ADAM17: variants seen among roughly 807,000 people sequenced by gnomAD.
ADAM17 encodes disintegrin and metalloproteinase domain-containing protein 17.
ADAM17 carries 39 observed loss-of-function variants against 96.7 expected under a neutral mutation model. The observed-to-expected ratio is 0.40, with a 90% confidence interval of 0.31 to 0.53. The LOEUF is 0.53. ADAM17 is among the 20% of genes least tolerant of loss of function. The pLI is 0.44. For synonymous variants in ADAM17, 344 were observed against 359.2 expected (o/e 0.96, Z 0.48); for missense variants, 777 against 1,013.2 (o/e 0.77, Z 3.17).
At chr2:9,529,979 C>T (rs1158882069) in intron 4 of ADAM17, among the ~76,000 whole-genome samples, 1 of 152,144 alleles carries the variant, frequency 6.6e-6, no homozygotes, top group East Asian at 1.9e-4. Context: ...TACACACACA[C>T]ACACACACAC....
chr2:9,551,251 A>G (rs1374947629), intron 1 of ADAM17, among the ~76,000 whole-genome samples: 2 of 151,748 alleles, frequency 1.3e-5, no homozygotes, highest in Non-Finnish European at 2.9e-5. Flanking sequence ...AAAAAAAAAA[A>G]GGAAGGGGGG....
chr2:9,513,055 C>T (rs752204093), intron 10 of ADAM17, among the ~76,000 whole-genome samples: 3 of 152,046 alleles, frequency 2.0e-5, no homozygotes, highest in South Asian at 2.1e-4. Context: ...AGTACAGTGG[C>T]GCAATCTCAG....
intron 10 of ADAM17, among the ~76,000 whole-genome samples, chr2:9,516,752 C>CA (rs1015305436): frequency 6.6e-6 from 1 of 151,300 alleles, no homozygotes; most frequent in Non-Finnish European, 1.5e-5. Context: ...GACTCTGTCT[C>CA]AAAAAAAATA....
chr2:9,532,659 T>G (rs1274455294), intron 4 of ADAM17, among the ~76,000 whole-genome samples: 4 of 149,784 alleles, frequency 2.7e-5, no homozygotes, highest in Non-Finnish European at 4.4e-5. Context: ...TTTTTTTTTT[T>G]TGTGGAGGAG....
chr2:9,511,454 A>G (rs1296777587), intron 10 of ADAM17, among the ~76,000 whole-genome samples: 1 of 152,012 alleles, frequency 6.6e-6, no homozygotes, highest in Non-Finnish European at 1.5e-5. Flanking sequence ...CTATCTTAAA[A>G]AAAAAACAAA....
At chr2:9,536,460 A>T (rs979360774) in intron 3 of ADAM17, among the ~76,000 whole-genome samples, 6 of 152,158 alleles carry the variant, frequency 3.9e-5, no homozygotes, top group Non-Finnish European at 4.4e-5. Flanking sequence ...ATCACTTAAG[A>T]AGAATTTAAT....
At chr2:9,529,753 C>T (rs1485799752) in intron 4 of ADAM17, among the ~76,000 whole-genome samples, 1 of 152,074 alleles carries the variant, frequency 6.6e-6, no homozygotes, top group Admixed American at 6.5e-5. Flanking sequence ...GGGCAGATAA[C>T]TTGAGTCCAG....
chr2:9,527,574 A>T (rs1291548134), intron 5 of ADAM17: 3 of 340,802 alleles, frequency 8.8e-6, no homozygotes, highest in Non-Finnish European at 1.6e-5. Context: ...TTTAAAGTCT[A>T]ATCTCTGTTG....
intron 8 of ADAM17, 62 bp downstream of exon 8, chr2:9,521,141 C>T (rs914056384): frequency 7.6e-7 from 1 of 1,318,600 alleles, no homozygotes; most frequent in Admixed American, 1.7e-5. Context: ...AAAACACATA[C>T]AATCCACATA....
At chr2:9,538,003 AAGGGAGGGGAGGAGAGGGGAG>A in intron 2 of ADAM17, among the ~76,000 whole-genome samples, 1 of 11,320 alleles carries the variant, frequency 8.8e-5, no homozygotes, top group South Asian at 3.0e-3. Context: ...AGGGGAGGGG[AAGGGAGGGGAGGAGAGGGGAG>A]GGGGTATACA....
chr2:9,495,012 A>C (rs1662461035), intron 14 of ADAM17, among the ~76,000 whole-genome samples: 1 of 152,216 alleles, frequency 6.6e-6, no homozygotes, highest in Non-Finnish European at 1.5e-5. Flanking sequence ...TCTAGATTCA[A>C]GACCTCTCTT....
intron 11 of ADAM17, among the ~76,000 whole-genome samples, chr2:9,506,363 T>G (rs1042990947): frequency 7.1e-6 from 1 of 141,158 alleles, no homozygotes; most frequent in South Asian, 2.4e-4. Flanking sequence ...AAATCTGTTT[T>G]TTTTTTTTTT....
At chr2:9,526,906 T>G (rs764552122) in intron 5 of ADAM17, among the ~76,000 whole-genome samples, 1 of 152,198 alleles carries the variant, frequency 6.6e-6, no homozygotes, top group African/African-American at 2.4e-5. Context: ...AATTAACCAA[T>G]GTAACAGTAA....
At chr2:9,555,274 G>A (rs1253317169) in intron 1 of ADAM17, among the ~76,000 whole-genome samples, 1 of 152,028 alleles carries the variant, frequency 6.6e-6, no homozygotes. Context: ...CCTCTCAGGC[G>A]CTCAGTCACT....
intron 10 of ADAM17, among the ~76,000 whole-genome samples, chr2:9,511,190 T>TGTAATC (rs1663714589): frequency 6.6e-6 from 1 of 152,132 alleles, no homozygotes; most frequent in Non-Finnish European, 1.5e-5. Context: ...GGCTCACACC[T>TGTAATC]GTAATCCCAG....
chr2:9,555,697 C>A lies in ADAM17; in HGVS notation c.-92G>T. 1 of 1,112,052 alleles carries A rather than the reference C, an allele frequency of 9.0e-7. No individual in the cohort carries two copies. Among genetic ancestry groups the A allele is most frequent in the Non-Finnish European group, 1.3e-6 (1 of 798,080 alleles). 68.9% of individuals were successfully genotyped at this position (1,112,052 alleles called of 1,614,324 possible). The stretch of plus-strand genomic sequence containing the variant: ...GCTCACATCGGGGGAGGACGGGATC[C>A]GCCCGGCCTAGCCCCTCAATCCTCT... On this transcript the variant is annotated 5_prime_UTR_variant, in exon 1 of 19. Transcript: ENST00000310823.
At chr2:9,546,923 G>T (rs1295782633) in intron 1 of ADAM17, among the ~76,000 whole-genome samples, 2 of 152,142 alleles carry the variant, frequency 1.3e-5, no homozygotes, top group African/African-American at 4.8e-5. Flanking sequence ...TGGCCAGGAT[G>T]GTCTTGATCT....
At chr2:9,491,315 T>C (rs547867893) in intron 17 of ADAM17, among the ~76,000 whole-genome samples, 164 bp from the exon 18 acceptor site, 52 of 152,332 alleles carry the variant, frequency 3.4e-4, no homozygotes, top group Non-Finnish European at 6.2e-4. Context: ...ACCCAAGCTT[T>C]AGTTATGCCA....
chr2:9,555,779 A>T lies in ADAM17; in HGVS notation c.-174T>A. 1 of 491,748 alleles carries T rather than the reference A, an allele frequency of 2.0e-6. No homozygotes were observed. The highest frequency in any genetic ancestry group is 3.5e-6 in the Non-Finnish European group (1 of 287,432). 30.5% of individuals were successfully genotyped at this position (491,748 alleles called of 1,614,324 possible). ...CTACCGCCAGGCTCGACGCCCCCAG[A>T]AGTGCAGGTGGCGTTACCAAAGGCC... On this transcript the variant is annotated 5_prime_UTR_variant, in exon 1 of 19. Coordinates refer to ENST00000310823, the MANE Select transcript of ADAM17 (RefSeq NM_003183.6).
Sources: gnomAD v4.1 joint callset for allele counts (sites outside exome capture counted in the v4.1 genomes callset) on GRCh38, gnomAD v4.1.1 for gene constraint, MANE v1.5 for transcripts, NCBI Gene and HGNC (gene_info 2026-07-23, HGNC 2026-07-21) for gene names.